CAPN8: variants seen among roughly 807,000 people sequenced by gnomAD.
CAPN8 encodes the protein calpain-8.
CAPN8 carries 87 observed loss-of-function variants against 80.9 expected under a neutral mutation model. The observed-to-expected ratio is 1.07, with a 90% confidence interval of 0.90 to 1.28. The LOEUF (loss-of-function observed/expected upper bound fraction) is 1.28. Among genes scored for constraint, CAPN8 ranks in the 50% most tolerant of loss-of-function variants. The probability of loss-of-function intolerance (pLI) is 0.00; values close to 1 mark genes in which losing one functional copy is unlikely to be tolerated. For synonymous variants in CAPN8, 299 were observed against 273.8 expected, an observed-to-expected ratio of 1.09 and a Z score of -0.91; for missense variants, 757 against 702.0, an observed-to-expected ratio of 1.08 and a Z score of -0.89.
intron 2 of CAPN8, among the ~76,000 whole-genome samples, chr1:223,629,596 G>A (rs920245392): frequency 1.3e-5 from 2 of 152,126 alleles, no homozygotes; most frequent in East Asian, 1.9e-4. Context: ...GAAGTAGCAC[G>A]GGCCCCAGGC....
intron 13 of CAPN8, among the ~76,000 whole-genome samples, chr1:223,554,945 C>G (rs1263496734): frequency 6.6e-6 from 1 of 152,128 alleles, no homozygotes; most frequent in Non-Finnish European, 1.5e-5. Context: ...GTTGTCACCA[C>G]AAGACAGAAT....
chr1:223,658,140 G>A (rs1335647921), intron 1 of CAPN8, among the ~76,000 whole-genome samples: 5 of 152,030 alleles, frequency 3.3e-5, no homozygotes, highest in African/African-American at 9.7e-5. Context: ...GACATCATTC[G>A]ACCTCATGGC....
Position 223,622,861 on chromosome 1 carries a change from T to G in CAPN8, c.853A>C (p.Arg285=), listed in dbSNP as rs1004497479. 2.6e-6 allele frequency: 4 copies of G among 1,551,646 alleles called. No individual in the cohort carries two copies. In the African/African-American group the frequency reaches 5.5e-5, roughly 21 times the overall value. Residue 285 remains arginine, a synonymous_variant, in exon 7 of 21, where the codon AGG becomes CGG. Transcript: ENST00000366872. The part of the protein sequence containing the change: ...QGHPEKLIRL[R]NPWGEVEWSG... Reference sequence around the variant, plus strand: ...CACTCCACTTCACCCCATGGATTCCTGAGTCTGATCAGCTTCTCTGGATGG... The same window carrying G: ...CACTCCACTTCACCCCATGGATTCCGGAGTCTGATCAGCTTCTCTGGATGG...
At chr1:223,665,282 G>T in intron 1 of CAPN8, 128 bp downstream of exon 1, 2 of 708,112 alleles carry the variant, frequency 2.8e-6, no homozygotes, top group Non-Finnish European at 4.7e-6. Flanking sequence ...AGGTGGTGGT[G>T]GAGGGATCTG....
intron 1 of CAPN8, among the ~76,000 whole-genome samples, chr1:223,658,725 G>A (rs902502549): frequency 2.6e-5 from 4 of 152,192 alleles, no homozygotes; most frequent in Non-Finnish European, 5.9e-5. Context: ...AGAATTGTTT[G>A]AAACCAGGAG....
At position 223,665,447 on chromosome 1, in the gene CAPN8, G is replaced by C. The variant is rs562191373; in HGVS notation, c.200C>G (p.Ser67Cys). The C allele has an allele frequency of 6.4e-7, 1 of 1,552,088 alleles. No individual in the cohort carries two copies. Among genetic ancestry groups the C allele is most frequent in the African/African-American group, 1.4e-5 (1 of 73,148 alleles). The change falls in exon 1 of 21, where the codon TCT (serine) becomes TGT (cysteine). Residue 67 changes from serine to cysteine, a missense_variant. Ser to Cys is a moderately radical substitution (Grantham distance 112, BLOSUM62 -1). Transcript: ENST00000366872. ...ALGYKDLGPG[S>C]PQTQGIIWKR... ...CCAGATGATGCCTTGAGTTTGCGGA[G>C]AGCCTGGTCCAAGATCCTTGTAGCC...
chr1:223,625,823 A>G lies in CAPN8; in HGVS notation c.795T>C (p.Ser265=). The change falls in exon 6 of 21, where the codon TCT becomes TCC. Residue 265 remains serine (S), a synonymous_variant. Coordinates refer to ENST00000366872, the MANE Select transcript of CAPN8 (RefSeq NM_001143962.2). ...ATTTTACCTCTTCGACTCCAGTGAC[A>G]GAGTACGCATGACTCTTAACCAGCT... ...SQKLVKSHAY[S]VTGVEEVNFQ... is the part of the protein sequence containing the mutation. The G allele has an allele frequency of 6.4e-7, 1 of 1,550,622 alleles. No homozygotes were observed. The highest frequency in any genetic ancestry group is 8.7e-7 in the Non-Finnish European group (1 of 1,146,008).
chr1:223,616,440 C>G (rs1657191598), intron 9 of CAPN8, among the ~76,000 whole-genome samples: 1 of 152,176 alleles, frequency 6.6e-6, no homozygotes, highest in African/African-American at 2.4e-5. Flanking sequence ...ATCCCATGAT[C>G]CGAGGGCTAC....
intron 1 of CAPN8, among the ~76,000 whole-genome samples, chr1:223,664,624 T>C (rs1220050140): frequency 1.3e-5 from 2 of 152,160 alleles, no homozygotes; most frequent in African/African-American, 4.8e-5. Context: ...TGCTCTTCTC[T>C]CTATACCTCA....
At chr1:223,628,264 C>T (rs1657659973) in intron 3 of CAPN8, 122 bp from the exon 4 acceptor site, 2 of 1,157,790 alleles carry the variant, frequency 1.7e-6, no homozygotes, top group African/African-American at 1.6e-5. Context: ...TCCTTAGGAG[C>T]AGGACATGTG....
intron 16 of CAPN8, among the ~76,000 whole-genome samples, chr1:223,547,585 T>C (rs1656658078): frequency 6.6e-6 from 1 of 152,224 alleles, no homozygotes; most frequent in South Asian, 2.1e-4. Context: ...TTGCCTGATA[T>C]ACTTTAAATG....
In CAPN8 at chr1:223,616,052, A is replaced by G. The variant is rs528671838; in HGVS notation, c.1229T>C (p.Leu410Pro). ...GCGATTTTTCTGCATCAGGCCCAGC[A>G]GCACTGTACAGCAGGGTTCACCGAT... is the stretch of plus-strand genomic sequence containing the variant. ...ESIGEPCCTV[L>P]LGLMQKNRRW... The change falls in exon 10 of 21, where the codon CTG (leucine) becomes CCG (proline). Residue 410 changes from leucine (L) to proline (P), a missense_variant. Physicochemically the swap from Leu to Pro is moderately conservative, Grantham distance 98. Coordinates refer to ENST00000366872, the MANE Select transcript of CAPN8 (RefSeq NM_001143962.2). 3.2e-6 allele frequency: 5 copies of G among 1,552,304 alleles called. No individual in the cohort carries two copies. In the African/African-American group the frequency reaches 6.8e-5, roughly 21 times the overall value.
chr1:223,558,422 A>G (rs1211521390), intron 12 of CAPN8, among the ~76,000 whole-genome samples: 2 of 152,214 alleles, frequency 1.3e-5, no homozygotes, highest in Non-Finnish European at 2.9e-5. Flanking sequence ...AGGATTCTAG[A>G]ATGTTCACCC....
intron 9 of CAPN8, chr1:223,618,231 C>A: frequency 3.2e-6 from 5 of 1,550,554 alleles, no homozygotes; most frequent in Non-Finnish European, 4.4e-6. Context: ...GGGCTGTCTT[C>A]CTGAGTTTCT....
At chr1:223,614,331 CGG>C (rs1406989391) in intron 10 of CAPN8, among the ~76,000 whole-genome samples, 2 of 150,418 alleles carry the variant, frequency 1.3e-5, no homozygotes, top group Admixed American at 1.3e-4. Context: ...ACCTGGGAGA[CGG>C]AGGTTGCAGT....
chr1:223,541,948 G>A (rs995899572), intron 20 of CAPN8, 89 bp from the exon 21 acceptor site: 25 of 1,541,240 alleles, frequency 1.6e-5, no homozygotes, highest in Middle Eastern at 1.7e-4. Context: ...ACATGGGTGC[G>A]ATCTTTTTAT....
chr1:223,661,403 G>T (rs913679787), intron 1 of CAPN8, among the ~76,000 whole-genome samples: 2 of 152,040 alleles, frequency 1.3e-5, no homozygotes, highest in Non-Finnish European at 2.9e-5. Flanking sequence ...GCCAAGGTGG[G>T]CAGATCAACT....
intron 2 of CAPN8, among the ~76,000 whole-genome samples, chr1:223,649,945 T>C (rs1465728710): frequency 6.6e-6 from 1 of 152,070 alleles, no homozygotes; most frequent in Non-Finnish European, 1.5e-5. Flanking sequence ...AGGAACCAAG[T>C]GTCAACTCTC....
intron 10 of CAPN8, among the ~76,000 whole-genome samples, chr1:223,615,276 A>G (rs568124647): frequency 1.3e-5 from 2 of 152,328 alleles, no homozygotes; most frequent in Non-Finnish European, 2.9e-5. Flanking sequence ...GGAATTTGCT[A>G]TAAGGAGTCT....
Sources: gnomAD v4.1 joint callset for allele counts (sites outside exome capture counted in the v4.1 genomes callset) on GRCh38, gnomAD v4.1.1 for gene constraint, MANE v1.5 for transcripts, NCBI Gene and HGNC (gene_info 2026-07-23, HGNC 2026-07-21) for gene names.